Variants in ACAP2 observed in about 807,000 individuals in gnomAD.
ACAP2 encodes ArfGAP with coiled-coil, ankyrin repeat and PH domains 2.
ACAP2 carries 39 observed loss-of-function variants against 115.8 expected under a neutral mutation model. That is an observed-to-expected ratio of 0.34 (90% CI 0.26 to 0.44). ACAP2 has a LOEUF of 0.44. Ranked by LOEUF, ACAP2 falls within the 20% of genes least tolerant of loss-of-function variation. The pLI is 1.00. For synonymous variants in ACAP2, 289 were observed against 315.8 expected (o/e 0.92, Z 0.90); for missense variants, 662 against 927.6 (o/e 0.71, Z 3.72).
intron 10 of ACAP2, among the ~76,000 whole-genome samples, chr3:195,319,465 C>T (rs1577293427): frequency 6.6e-6 from 1 of 152,246 alleles, no homozygotes; most frequent in Non-Finnish European, 1.5e-5. Flanking sequence ...AGGGGCTACA[C>T]TCTGCAGAGC....
At position 195,292,249 on chromosome 3, in the gene ACAP2, T is replaced by C. The variant is rs867697171; in HGVS notation, c.1953+16A>G. ...TATTTGATTGCTACTGAAAATGTCA[T>C]TGTATAAACGCATACCCCTAATACA... On this transcript the variant is annotated intron_variant, in intron 19 of 22. Coordinates refer to ENST00000326793, the MANE Select transcript of ACAP2 (RefSeq NM_012287.6). The C allele has an allele frequency of 4.6e-6, 7 of 1,535,234 alleles. No homozygotes were observed. The South Asian group carries it at 7.6e-5, about 17-fold the overall frequency.
In ACAP2 at chr3:195,442,976, C is replaced by G. The variant is rs1037842170; in HGVS notation, c.-129G>C. 4 of 804,652 alleles carry G rather than the reference C, an allele frequency of 5.0e-6. No individual in the cohort carries two copies. In the Admixed American group the frequency reaches 1.3e-4, roughly 25 times the overall value. The allele number at this position is 804,652 out of a possible 1,614,324, so 49.8% of individuals were successfully genotyped here. On this transcript the variant is annotated 5_prime_UTR_variant, in exon 1 of 23. Coordinates refer to ENST00000326793, the MANE Select transcript of ACAP2 (RefSeq NM_012287.6). Reference sequence around the variant, plus strand: ...TTGCGCGGAGCTGCGAAGGGCGCCTCGCCCGCTGGTCATAGCAGCCGCGAA... The same window carrying G: ...TTGCGCGGAGCTGCGAAGGGCGCCTGGCCCGCTGGTCATAGCAGCCGCGAA...
Position 195,400,206 on chromosome 3 carries a change from A to G in ACAP2, c.54-8059T>C, listed in dbSNP as rs535525426. 1.1e-4 allele frequency among the ~76,000 whole-genome samples: 17 copies of G among 151,560 alleles called. No individual in the cohort carries two copies. The East Asian group carries it at 3.3e-3, about 29-fold the overall frequency. ...AAAAAAAAACAACAAAAAAATACGT[A>G]TGTGTATATATATATGTGTGTGTAT... On this transcript the variant is annotated intron_variant, in intron 1 of 22. Transcript: ENST00000326793.
intron 8 of ACAP2, among the ~76,000 whole-genome samples, chr3:195,328,725 G>A (rs1290011995): frequency 1.3e-5 from 2 of 152,198 alleles, no homozygotes; most frequent in African/African-American, 2.4e-5. Flanking sequence ...AAATATGCAC[G>A]CATATACTTT....
intron 17 of ACAP2, chr3:195,295,168 T>G: frequency 8.1e-7 from 1 of 1,231,346 alleles, no homozygotes; most frequent in Non-Finnish European, 1.1e-6. Context: ...GGCACAGACT[T>G]GGAATGCTCC....
In ACAP2 at chr3:195,310,930, TTG is replaced by T. The variant is rs1439098500; in HGVS notation, c.858-2095_858-2094del. Among the ~76,000 whole-genome samples the T allele has an allele frequency of 3.3e-5, 5 of 152,222 alleles. No individual in the cohort carries two copies. The East Asian group carries it at 9.6e-4, about 29-fold the overall frequency. ...ATTTTTTCAATTATTATACTAAGATTTGTGTGTCTTACAACACTATCACTCCT... is the reference window on the plus strand; with the variant it reads ...ATTTTTTCAATTATTATACTAAGATTTGTGTCTTACAACACTATCACTCCT... On this transcript the variant is annotated intron_variant, in intron 10 of 22. Transcript: ENST00000326793.
intron 4 of ACAP2, among the ~76,000 whole-genome samples, chr3:195,378,086 G>A (rs1189329958): frequency 7.3e-6 from 1 of 137,058 alleles, no homozygotes; most frequent in Non-Finnish European, 1.5e-5. Context: ...AAGGGAGGAA[G>A]GGAGGAGGAG....
intron 4 of ACAP2, among the ~76,000 whole-genome samples, chr3:195,346,387 G>A (rs1731188819): frequency 6.6e-6 from 1 of 152,098 alleles, no homozygotes; most frequent in Non-Finnish European, 1.5e-5. Flanking sequence ...TCAGAAAGAA[G>A]ACGCAAATTT....
chr3:195,343,413 G>C (rs374870519), intron 5 of ACAP2, among the ~76,000 whole-genome samples: 6 of 152,080 alleles, frequency 3.9e-5, no homozygotes, highest in African/African-American at 1.2e-4. Context: ...TTTAAGACAC[G>C]TCCTTGATTT....
In ACAP2 at chr3:195,279,319, T is replaced by TA. The variant is rs775047492; in HGVS notation, c.*8dup. On this transcript the variant is annotated 3_prime_UTR_variant, in exon 23 of 23. Transcript: ENST00000326793. ...ACCAGATTTCATATTTTCCCATTTT[T>TA]AAAAAAATTCAGAATTTCTGTGAAT... is the stretch of plus-strand genomic sequence containing the variant. 26 of 1,578,486 alleles carry TA rather than the reference T, an allele frequency of 1.6e-5. No individual in the cohort carries two copies. In the African/African-American group the frequency reaches 2.9e-4, roughly 17 times the overall value.
At chr3:195,302,202 TA>T (rs35471363) in intron 13 of ACAP2, 28 bp from the exon 14 acceptor site, 138,933 of 1,010,604 alleles carry the variant, frequency 0.14, 654 homozygotes, top group South Asian at 0.26. Context: ...TACTTGTTTT[TA>T]AAAAAAAAAA....
At chr3:195,356,377 T>C (rs772527552) in intron 4 of ACAP2, among the ~76,000 whole-genome samples, 5 of 151,920 alleles carry the variant, frequency 3.3e-5, no homozygotes, top group Non-Finnish European at 5.9e-5. Flanking sequence ...TGCTCTGGGG[T>C]CCTAAATAAC....
At chr3:195,435,602 C>A (rs548573089) in intron 1 of ACAP2, among the ~76,000 whole-genome samples, 21 of 152,060 alleles carry the variant, frequency 1.4e-4, no homozygotes, top group Non-Finnish European at 2.4e-4. Flanking sequence ...CTTGTGACTT[C>A]TTTGATCCAC....
intron 5 of ACAP2, among the ~76,000 whole-genome samples, chr3:195,343,399 A>AT (rs1207233018): frequency 6.6e-6 from 1 of 152,060 alleles, no homozygotes; most frequent in Non-Finnish European, 1.5e-5. Flanking sequence ...TCTGAGGAGT[A>AT]TTTTTTAAGA....
rs749352761 is a variant in ACAP2 at position 195,377,138 on chromosome 3, C to CTTTTT, written c.285+3866_285+3870dup. Among the ~76,000 whole-genome samples the CTTTTT allele has an allele frequency of 4.3e-3, 329 of 77,076 alleles. 28 individuals carry two copies. Among genetic ancestry groups the CTTTTT allele is most frequent in the African/African-American group, 0.016 (297 of 18,872 alleles). The allele number at this position is 77,076 out of a possible 152,430, so 50.6% of individuals were successfully genotyped here. A position where few individuals can be genotyped will look rare whatever the true frequency, so the allele number is the denominator to read the frequency against. On this transcript the variant is annotated intron_variant, in intron 4 of 22. Transcript: ENST00000326793. ...CATTTTACAGAGGAGGAATGTAAAT[C>CTTTTT]TTTTTTTTTTTTTTTTTTTTTTTGG...
intron 1 of ACAP2, among the ~76,000 whole-genome samples, chr3:195,439,230 G>A (rs1276039238): frequency 7.1e-6 from 1 of 140,450 alleles, no homozygotes; most frequent in Admixed American, 7.6e-5. Flanking sequence ...AGAGAGTCTA[G>A]CTCTGTTGCC....
chr3:195,396,876 A>G (rs964732705), intron 1 of ACAP2, among the ~76,000 whole-genome samples: 2 of 147,124 alleles, frequency 1.4e-5, no homozygotes, highest in African/African-American at 2.5e-5. Context: ...ACTAACAACC[A>G]CCACCAAAAA....
chr3:195,331,742 G>A (rs76600875), intron 8 of ACAP2, among the ~76,000 whole-genome samples: 3,936 of 152,088 alleles, frequency 0.026, 146 homozygotes, highest in African/African-American at 0.086. Context: ...AATGTCCCCC[G>A]AACAGATCTA....
At chr3:195,330,524 G>A (rs1269406384) in intron 8 of ACAP2, among the ~76,000 whole-genome samples, 2 of 152,154 alleles carry the variant, frequency 1.3e-5, no homozygotes, top group Non-Finnish European at 2.9e-5. Context: ...AACATAAGAT[G>A]AGAGCGCAAT....
Sources: gnomAD v4.1 joint callset for allele counts (sites outside exome capture counted in the v4.1 genomes callset) on GRCh38, gnomAD v4.1.1 for gene constraint, MANE v1.5 for transcripts, NCBI Gene and HGNC (gene_info 2026-07-23, HGNC 2026-07-21) for gene names.